Variants in NTNG1 observed in about 807,000 individuals in gnomAD.
NTNG1 encodes the protein netrin G1, also known as netrin-G1.
A neutral mutation model predicts 54.0 loss-of-function variants in NTNG1; 16 were observed. The observed-to-expected ratio is 0.30, with a 90% confidence interval of 0.20 to 0.45. The LOEUF is 0.45. Among genes scored for constraint, NTNG1 ranks in the 20% least tolerant of loss-of-function variants. NTNG1 has a pLI of 1.00. For missense variants in NTNG1, 530 were observed against 678.7 expected (o/e 0.78, Z 2.43); for synonymous variants, 255 against 263.1 (o/e 0.97, Z 0.30).
In NTNG1 at chr1:107,148,420, T is replaced by G; in HGVS notation, c.-174T>G. On this transcript the variant is annotated 5_prime_UTR_variant, in exon 2 of 8. Transcript: ENST00000370068. ...ATACGCACAATATCTTAACTCTTCA[T>G]ATTTGGTTTTGGGATCTGCTTTGAG... 1 of 602,834 alleles carries G rather than the reference T, an allele frequency of 1.7e-6. No individual in the cohort carries two copies. 37.3% of individuals were successfully genotyped at this position (602,834 alleles called of 1,614,324 possible). A position where few individuals can be genotyped will look rare whatever the true frequency, so the allele number is the denominator to read the frequency against.
chr1:107,302,787 G>T (rs1666405850), intron 2 of NTNG1, among the ~76,000 whole-genome samples: 1 of 152,048 alleles, frequency 6.6e-6, no homozygotes, highest in Non-Finnish European at 1.5e-5. Flanking sequence ...CTTTTTAGAG[G>T]CAAGACCACA....
intron 3 of NTNG1, among the ~76,000 whole-genome samples, chr1:107,357,689 A>G (rs949434524): frequency 1.3e-5 from 2 of 151,546 alleles, no homozygotes; most frequent in Non-Finnish European, 2.9e-5. Flanking sequence ...TTATTTTTTG[A>G]CATAAAATTG....
chr1:107,275,009 T>G (rs943885267), intron 2 of NTNG1, among the ~76,000 whole-genome samples: 1 of 152,186 alleles, frequency 6.6e-6, no homozygotes, highest in Non-Finnish European at 1.5e-5. Context: ...TGTGCTTCCC[T>G]TTTGCATTAG....
chr1:107,226,976 C>T (rs1660729601), intron 2 of NTNG1, among the ~76,000 whole-genome samples: 1 of 152,064 alleles, frequency 6.6e-6, no homozygotes, highest in African/African-American at 2.4e-5. Context: ...TTCCTGAATC[C>T]ACATCTACTT....
intron 2 of NTNG1, among the ~76,000 whole-genome samples, chr1:107,193,427 G>T (rs1658104823): frequency 6.6e-6 from 1 of 151,956 alleles, no homozygotes; most frequent in Non-Finnish European, 1.5e-5. Flanking sequence ...CATGCTCTTT[G>T]TCCTCATAAC....
At chr1:107,367,024 T>C (rs1023419782) in intron 3 of NTNG1, among the ~76,000 whole-genome samples, 2 of 152,110 alleles carry the variant, frequency 1.3e-5, no homozygotes, top group African/African-American at 4.8e-5. Context: ...AGTCATTTTG[T>C]ACAAAGTGCT....
At chr1:107,190,914 T>C (rs1657863073) in intron 2 of NTNG1, among the ~76,000 whole-genome samples, 1 of 152,234 alleles carries the variant, frequency 6.6e-6, no homozygotes, top group South Asian at 2.1e-4. Flanking sequence ...TATAGCAGCA[T>C]GATTTATAAT....
At chr1:107,402,620 G>T (rs569965247) in intron 4 of NTNG1, among the ~76,000 whole-genome samples, 8 of 152,112 alleles carry the variant, frequency 5.3e-5, no homozygotes, top group African/African-American at 1.9e-4. Flanking sequence ...ATCTTTGAAG[G>T]TGATCTTATT....
At chr1:107,440,557 A>G (rs1051874199) in intron 7 of NTNG1, among the ~76,000 whole-genome samples, 12 of 152,194 alleles carry the variant, frequency 7.9e-5, no homozygotes, top group Non-Finnish European at 1.5e-4. Flanking sequence ...GTAAGTGCTC[A>G]ATTATTATTA....
At chr1:107,143,598 A>G (rs1043797416) in intron 1 of NTNG1, among the ~76,000 whole-genome samples, 2 of 152,112 alleles carry the variant, frequency 1.3e-5, no homozygotes, top group African/African-American at 4.8e-5. Flanking sequence ...ATTATATTGT[A>G]TAGGAGATTA....
intron 2 of NTNG1, among the ~76,000 whole-genome samples, chr1:107,286,945 G>C (rs1395728548): frequency 6.6e-6 from 1 of 152,116 alleles, no homozygotes; most frequent in Admixed American, 6.6e-5. Flanking sequence ...ATAACACTAA[G>C]CACTGTATCC....
chr1:107,198,945 C>T (rs576043100), intron 2 of NTNG1, among the ~76,000 whole-genome samples: 8 of 151,664 alleles, frequency 5.3e-5, no homozygotes, highest in Admixed American at 3.3e-4. Context: ...AATGAGACAC[C>T]GAAATATTTT....
At chr1:107,142,675 G>GAAA (rs71579434) in intron 1 of NTNG1, among the ~76,000 whole-genome samples, 1 of 131,324 alleles carries the variant, frequency 7.6e-6, no homozygotes, top group African/African-American at 2.7e-5. Flanking sequence ...TTACAGAAAT[G>GAAA]AAAAAAAAAA....
At chr1:107,351,014 A>G (rs1669566649) in intron 3 of NTNG1, among the ~76,000 whole-genome samples, 1 of 152,250 alleles carries the variant, frequency 6.6e-6, no homozygotes, top group Admixed American at 6.5e-5. Flanking sequence ...AGAGGTAACT[A>G]TGTGAGGTTA....
At chr1:107,435,238 A>G (rs995571010) in intron 6 of NTNG1, among the ~76,000 whole-genome samples, 3 of 152,176 alleles carry the variant, frequency 2.0e-5, no homozygotes, top group Non-Finnish European at 2.9e-5. Context: ...TGTACAGACA[A>G]ACATTAAAAG....
At chr1:107,276,730 G>T (rs1428150453) in intron 2 of NTNG1, among the ~76,000 whole-genome samples, 1 of 151,854 alleles carries the variant, frequency 6.6e-6, no homozygotes, top group African/African-American at 2.4e-5. Context: ...GTCACTAATT[G>T]TTCGATGAAT....
chr1:107,267,727 TC>T (rs1275430149), intron 2 of NTNG1, among the ~76,000 whole-genome samples: 2 of 152,194 alleles, frequency 1.3e-5, no homozygotes, highest in African/African-American at 4.8e-5. Flanking sequence ...TGGCTGCCTT[TC>T]CTTCCCCAGT....
At chr1:107,229,885 G>A (rs185792750) in intron 2 of NTNG1, among the ~76,000 whole-genome samples, 13 of 152,188 alleles carry the variant, frequency 8.5e-5, no homozygotes, top group African/African-American at 3.1e-4. Flanking sequence ...CTCTCTTGGA[G>A]GAAGGAAATG....
chr1:107,324,539 T>C lies in NTNG1; in HGVS notation c.504T>C (p.Tyr168=), dbSNP rs1667836615. The part of the protein sequence containing the change: ...DQMILEKSLD[Y]GRTWQPYQYY... Reference sequence around the variant, plus strand: ...TGATCCTGGAGAAGTCTCTCGATTATGGACGAACATGGCAGCCCTATCAGT... The same window carrying C: ...TGATCCTGGAGAAGTCTCTCGATTACGGACGAACATGGCAGCCCTATCAGT... The change falls in exon 3 of 8, where the codon TAT becomes TAC. Residue 168 remains tyrosine (Y), a synonymous_variant. Coordinates refer to ENST00000370068, the MANE Select transcript of NTNG1 (RefSeq NM_001113226.3). 1.2e-6 allele frequency: 2 copies of C among 1,613,814 alleles called. No individual in the cohort carries two copies. The highest frequency in any genetic ancestry group is 2.2e-5 in the South Asian group (2 of 91,084).
Sources: allele counts gnomAD v4.1 joint callset (sites outside exome capture counted in the v4.1 genomes callset), GRCh38; gene constraint gnomAD v4.1.1; transcripts MANE v1.5; gene names NCBI Gene and HGNC (gene_info 2026-07-23, HGNC 2026-07-21).